Variants in KCNIP4 observed in about 807,000 individuals in gnomAD.
KCNIP4 encodes the protein Kv channel-interacting protein 4.
KCNIP4 carries 12 observed loss-of-function variants against 34.0 expected under a neutral mutation model. The observed-to-expected ratio is 0.35, with a 90% confidence interval of 0.23 to 0.57. The LOEUF is 0.57. KCNIP4 is among the 20% of genes least tolerant of loss of function. The pLI is 0.83. For synonymous variants in KCNIP4, 124 were observed against 102.2 expected (o/e 1.21, Z -1.29); for missense variants, 238 against 311.7 (o/e 0.76, Z 1.78).
intron 1 of KCNIP4, among the ~76,000 whole-genome samples, chr4:21,482,056 AT>A (rs1383816678): frequency 2.6e-5 from 4 of 151,910 alleles, no homozygotes; most frequent in Non-Finnish European, 5.9e-5. Context: ...TCCCTTTACC[AT>A]TATGTAATGG....
intron 3 of KCNIP4, among the ~76,000 whole-genome samples, chr4:20,841,102 A>T (rs1352762660): frequency 6.6e-6 from 1 of 151,990 alleles, no homozygotes; most frequent in East Asian, 1.9e-4. Flanking sequence ...ATGCTCTTTC[A>T]CTCCCCCTAT....
chr4:21,012,742 G>A (rs1156358810), intron 1 of KCNIP4, among the ~76,000 whole-genome samples: 1 of 152,178 alleles, frequency 6.6e-6, no homozygotes, highest in African/African-American at 2.4e-5. Context: ...CTAGGAAGTA[G>A]AACTAAGTTA....
chr4:20,738,762 A>C (rs1364972224), intron 5 of KCNIP4, among the ~76,000 whole-genome samples: 1 of 152,152 alleles, frequency 6.6e-6, no homozygotes, highest in African/African-American at 2.4e-5. Flanking sequence ...GATGCAGCCC[A>C]CAGAGTGTGA....
intron 1 of KCNIP4, among the ~76,000 whole-genome samples, chr4:21,341,289 A>AT (rs981902552): frequency 2.6e-5 from 4 of 151,958 alleles, no homozygotes; most frequent in African/African-American, 7.2e-5. Flanking sequence ...ACGCCACCCA[A>AT]TTTTTTACAG....
chr4:21,127,633 C>T (rs562824131), intron 1 of KCNIP4, among the ~76,000 whole-genome samples: 3 of 152,088 alleles, frequency 2.0e-5, no homozygotes, highest in Admixed American at 6.6e-5. Flanking sequence ...TAGAACCTAG[C>T]CCATAATAGG....
intron 1 of KCNIP4, among the ~76,000 whole-genome samples, chr4:21,018,331 TA>T (rs1739737475): frequency 6.6e-6 from 1 of 152,196 alleles, no homozygotes; most frequent in African/African-American, 2.4e-5. Context: ...TCTTCCCTTA[TA>T]AAGTGAAAGC....
intron 1 of KCNIP4, among the ~76,000 whole-genome samples, chr4:21,301,940 T>C (rs1269663476): frequency 6.6e-6 from 1 of 152,178 alleles, no homozygotes; most frequent in East Asian, 1.9e-4. Context: ...CAACTTTTAT[T>C]CATTAAATAT....
intron 1 of KCNIP4, among the ~76,000 whole-genome samples, chr4:20,964,367 C>T (rs1244972642): frequency 1.3e-5 from 2 of 152,212 alleles, no homozygotes; most frequent in African/African-American, 4.8e-5. Flanking sequence ...GTTAAAAACA[C>T]AGTTAAAGTA....
At chr4:21,425,592 A>G (rs1372966020) in intron 1 of KCNIP4, among the ~76,000 whole-genome samples, 1 of 152,224 alleles carries the variant, frequency 6.6e-6, no homozygotes, top group African/African-American at 2.4e-5. Context: ...TTCAAATTAC[A>G]TATTTGAACG....
chr4:21,729,155 A>G, intron 1 of KCNIP4, among the ~76,000 whole-genome samples: 1 of 152,164 alleles, frequency 6.6e-6, no homozygotes, highest in East Asian at 1.9e-4. Flanking sequence ...TTCCCTACCC[A>G]TACTGAATAC....
intron 1 of KCNIP4, among the ~76,000 whole-genome samples, chr4:21,109,696 C>T (rs1188440273): frequency 6.6e-6 from 1 of 152,212 alleles, no homozygotes. Context: ...TTCTGCATGA[C>T]TCACGCTGGG....
chr4:21,851,140 C>T (rs1724356022), intron 1 of KCNIP4: 1 of 97,362 alleles, frequency 1.0e-5, no homozygotes, highest in Admixed American at 8.2e-5. Flanking sequence ...TTCGATCCCA[C>T]CCTAGCAGAC....
At chr4:20,929,760 C>T (rs1041078743) in intron 1 of KCNIP4, among the ~76,000 whole-genome samples, 2 of 151,758 alleles carry the variant, frequency 1.3e-5, no homozygotes, top group Non-Finnish European at 2.9e-5. Flanking sequence ...GAAAAAGACG[C>T]TTTAAAATCC....
chr4:21,941,268 T>C (rs956079243), intron 1 of KCNIP4, among the ~76,000 whole-genome samples: 30 of 152,186 alleles, frequency 2.0e-4, no homozygotes, highest in African/African-American at 7.0e-4. Flanking sequence ...TATGTAACAA[T>C]GTACAAACAG....
At chr4:20,749,794 A>G (rs1407261156) in intron 4 of KCNIP4, 62 bp from the exon 5 acceptor site, 7 of 1,109,044 alleles carry the variant, frequency 6.3e-6, no homozygotes, top group Admixed American at 3.7e-5. Flanking sequence ...TAAGACTTGG[A>G]TAGCAGTCCA....
At chr4:21,763,286 C>T (rs966045727) in intron 1 of KCNIP4, among the ~76,000 whole-genome samples, 4 of 152,158 alleles carry the variant, frequency 2.6e-5, no homozygotes, top group Non-Finnish European at 5.9e-5. Context: ...GTGCTTATTA[C>T]ACACAAGGTG....
At chr4:21,750,121 T>C (rs1388020873) in intron 1 of KCNIP4, among the ~76,000 whole-genome samples, 1 of 152,144 alleles carries the variant, frequency 6.6e-6, no homozygotes, top group Non-Finnish European at 1.5e-5. Flanking sequence ...AATCCTCCTT[T>C]TGTCCTGGGT....
intron 1 of KCNIP4, among the ~76,000 whole-genome samples, chr4:21,870,512 G>C (rs1167921582): frequency 2.0e-5 from 3 of 152,156 alleles, no homozygotes; most frequent in Non-Finnish European, 4.4e-5. Context: ...ACATGTAGAT[G>C]CTAAGCAAAT....
intron 1 of KCNIP4, among the ~76,000 whole-genome samples, chr4:21,176,458 TA>T: frequency 6.6e-6 from 1 of 152,170 alleles, no homozygotes; most frequent in Non-Finnish European, 1.5e-5. Flanking sequence ...CTGCTACAAG[TA>T]AAAAAATGGA....
Sources: gnomAD v4.1 joint callset for allele counts (sites outside exome capture counted in the v4.1 genomes callset) on GRCh38, gnomAD v4.1.1 for gene constraint, MANE v1.5 for transcripts, NCBI Gene and HGNC (gene_info 2026-07-23, HGNC 2026-07-21) for gene names.